Variants in LRRC7 observed in about 807,000 individuals in gnomAD.
The protein encoded by LRRC7 is leucine-rich repeat-containing protein 7.
In LRRC7, 23 loss-of-function variants were observed where a neutral mutation model predicts 175.7. The ratio of observed to expected loss-of-function variants is 0.13; its 90% CI spans 0.09 to 0.19. The LOEUF (loss-of-function observed/expected upper bound fraction) is 0.19. Among genes scored for constraint, LRRC7 ranks in the 10% least tolerant of loss-of-function variants. LRRC7 has a pLI of 1.00. For synonymous variants in LRRC7, 685 were observed against 680.9 expected (o/e 1.01, Z -0.09); for missense variants, 1,354 against 1,904.7 (o/e 0.71, Z 5.38).
rs150162715 is a variant in LRRC7, at chr1:69,674,437, G to T, written c.3-3944G>T. ...TGTTCAAAGGATTAATGAAGTAAATGGTAAATGGTAAAGTAAATGAAGTAA... is the reference window on the plus strand; with the variant it reads ...TGTTCAAAGGATTAATGAAGTAAATTGTAAATGGTAAAGTAAATGAAGTAA... On this transcript the variant is annotated intron_variant, in intron 1 of 26. Transcript: ENST00000651989. Among the ~76,000 whole-genome samples the T allele has an allele frequency of 6.0e-3, 916 of 152,074 alleles. 10 individuals carry two copies. Among genetic ancestry groups the T allele is most frequent in the African/African-American group, 0.021 (858 of 41,492 alleles).
intron 7 of LRRC7, among the ~76,000 whole-genome samples, chr1:69,848,931 A>T (rs563666448): frequency 1.4e-4 from 22 of 151,818 alleles, no homozygotes; most frequent in South Asian, 8.3e-4. Flanking sequence ...CATGGATTTT[A>T]AAAAAAATCA....
chr1:69,582,055 C>T (rs1646222815), intron 1 of LRRC7, among the ~76,000 whole-genome samples: 1 of 152,226 alleles, frequency 6.6e-6, no homozygotes, highest in South Asian at 2.1e-4. Context: ...GTATCTTTTC[C>T]TGGAGCTCTT....
At chr1:70,020,099 G>A (rs1342293143) in intron 15 of LRRC7, among the ~76,000 whole-genome samples, 2 of 151,906 alleles carry the variant, frequency 1.3e-5, no homozygotes, top group East Asian at 3.8e-4. Context: ...AGAAAGGTTG[G>A]TAATTGAAAA....
chr1:70,059,060 C>T (rs893118856), intron 23 of LRRC7, among the ~76,000 whole-genome samples: 1 of 152,166 alleles, frequency 6.6e-6, no homozygotes, highest in Non-Finnish European at 1.5e-5. Context: ...AAACCAAACA[C>T]TTCGCTTCTG....
chr1:69,822,122 C>G (rs1679368449), intron 4 of LRRC7, among the ~76,000 whole-genome samples: 1 of 152,156 alleles, frequency 6.6e-6, no homozygotes, highest in African/African-American at 2.4e-5. Context: ...ATTTTGTTTC[C>G]TCTTGGGCAG....
intron 8 of LRRC7, among the ~76,000 whole-genome samples, chr1:69,937,689 A>G (rs952266658): frequency 3.3e-5 from 5 of 151,872 alleles, no homozygotes; most frequent in Admixed American, 6.6e-5. Context: ...CCTTTTACCT[A>G]TTTGCTCTGT....
At chr1:70,116,140 G>A (rs1665831872) in intron 26 of LRRC7, among the ~76,000 whole-genome samples, 1 of 152,206 alleles carries the variant, frequency 6.6e-6, no homozygotes, top group Non-Finnish European at 1.5e-5. Flanking sequence ...CCACACCTGA[G>A]TTTCTATTCA....
intron 1 of LRRC7, among the ~76,000 whole-genome samples, chr1:69,569,560 T>TA (rs145491963): frequency 0.15 from 21,969 of 151,428 alleles, 2,010 homozygotes; most frequent in Admixed American, 0.22. Context: ...TGGTCTCTAA[T>TA]CTTACTGTTT....
At chr1:70,023,759 G>T (rs1429470227) in intron 17 of LRRC7, among the ~76,000 whole-genome samples, 1 of 152,144 alleles carries the variant, frequency 6.6e-6, no homozygotes, top group Admixed American at 6.5e-5. Context: ...TGTGAATTCT[G>T]GGGGAGATTA....
chr1:69,880,765 G>A (rs956830320), intron 7 of LRRC7, among the ~76,000 whole-genome samples: 6 of 151,724 alleles, frequency 4.0e-5, no homozygotes, highest in African/African-American at 1.5e-4. Context: ...CATATATAAG[G>A]AAAAAAAGAA....
intron 22 of LRRC7, among the ~76,000 whole-genome samples, chr1:70,044,515 T>G (rs541747793): frequency 1.3e-5 from 2 of 152,334 alleles, no homozygotes; most frequent in South Asian, 2.1e-4. Context: ...TTCAACTGAT[T>G]CTTTTGGAAA....
chr1:69,970,440 G>A (rs186843642), intron 8 of LRRC7, among the ~76,000 whole-genome samples: 9 of 152,032 alleles, frequency 5.9e-5, no homozygotes, highest in Middle Eastern at 6.8e-3. Context: ...GAAATGAAAC[G>A]AGAGATATTA....
At chr1:69,877,094 C>T (rs10889853) in intron 7 of LRRC7, among the ~76,000 whole-genome samples, 84,198 of 151,858 alleles carry the variant, frequency 0.55, 23,427 homozygotes, top group East Asian at 0.7. Flanking sequence ...ATAGAAAGCA[C>T]GAGGAAGGAG....
intron 2 of LRRC7, among the ~76,000 whole-genome samples, chr1:69,744,972 C>T (rs1669101847): frequency 6.6e-6 from 1 of 151,766 alleles, no homozygotes; most frequent in Admixed American, 6.6e-5. Flanking sequence ...TATAATGGAT[C>T]CACCTGCTCA....
intron 8 of LRRC7, among the ~76,000 whole-genome samples, chr1:69,939,029 ATCTATATATATCTATATC>A (rs1162715083): frequency 0.018 from 2,204 of 121,150 alleles, 128 homozygotes; most frequent in East Asian, 0.039. Flanking sequence ...ATATATATAT[ATCTATATATATCTATATC>A]TATCTCACAG....
chr1:70,031,744 T>C (rs1012744140), intron 18 of LRRC7, among the ~76,000 whole-genome samples: 5 of 152,116 alleles, frequency 3.3e-5, no homozygotes, highest in Admixed American at 2.6e-4. Flanking sequence ...TGCCACTTGG[T>C]TTTTTATCAC....
In LRRC7 at chr1:70,039,558, C is replaced by T. The variant is rs1182565343; in HGVS notation, c.3734C>T (p.Thr1245Ile). ...RRPLSARSYS[T>I]ESYGASQTRP... ...CCATTGTCTGCGAGAAGCTACAGTACAGAGAGTTACGGTGCCTCCCAAACC... is the reference window on the plus strand; with the variant it reads ...CCATTGTCTGCGAGAAGCTACAGTATAGAGAGTTACGGTGCCTCCCAAACC... Residue 1245 changes from threonine to isoleucine, a missense_variant, in exon 21 of 27, where the codon ACA (threonine) becomes ATA (isoleucine). Physicochemically the swap from Thr to Ile is moderately conservative, Grantham distance 89. Transcript: ENST00000651989. The T allele has an allele frequency of 6.2e-7, 1 of 1,614,150 alleles. No individual in the cohort carries two copies. Among genetic ancestry groups the T allele is most frequent in the South Asian group, 1.1e-5 (1 of 91,092 alleles).
At chr1:69,769,857 T>C (rs1283222747) in intron 3 of LRRC7, among the ~76,000 whole-genome samples, 1 of 152,204 alleles carries the variant, frequency 6.6e-6, no homozygotes, top group Non-Finnish European at 1.5e-5. Flanking sequence ...CTATTTAATA[T>C]GGATTTACAG....
chr1:69,967,336 G>C (rs1458186394), intron 8 of LRRC7, among the ~76,000 whole-genome samples: 1 of 152,042 alleles, frequency 6.6e-6, no homozygotes, highest in Non-Finnish European at 1.5e-5. Context: ...GCCTAGCCCT[G>C]CTCCCACCTA....
Sources: gnomAD v4.1 joint callset for allele counts (sites outside exome capture counted in the v4.1 genomes callset) on GRCh38, gnomAD v4.1.1 for gene constraint, MANE v1.5 for transcripts, NCBI Gene and HGNC (gene_info 2026-07-23, HGNC 2026-07-21) for gene names.